The following CTR9 variants were observed in gnomAD, a reference collection of about 807,000 sequenced individuals.
The protein encoded by CTR9 is RNA polymerase-associated protein CTR9 homolog.
CTR9 carries 41 observed loss-of-function variants against 152.1 expected under a neutral mutation model. That is an observed-to-expected ratio of 0.27 (90% CI 0.21 to 0.35). The LOEUF is 0.35. Among genes scored for constraint, CTR9 ranks in the 10% least tolerant of loss-of-function variants. The pLI is 1.00. For missense variants in CTR9, 917 were observed against 1,424.4 expected (o/e 0.64, Z 5.73); for synonymous variants, 476 against 496.2 (o/e 0.96, Z 0.54).
chr11:10,758,379 G>C (rs1388193729), intron 5 of CTR9, among the ~76,000 whole-genome samples: 1 of 152,138 alleles, frequency 6.6e-6, no homozygotes, highest in Non-Finnish European at 1.5e-5. Flanking sequence ...CTCACACTAG[G>C]GAGGTAATAG....
Position 10,755,026 on chromosome 11 carries a change from C to T in CTR9, c.213C>T (p.Gly71=), listed in dbSNP as rs1862863584. ...VKLLEAARID[G]NLDYRDHEKD... ...TGTTGGAAGCAGCACGTATAGATGG[C>T]AATTTGGACTATAGAGACCATGAAA... Residue 71 remains glycine, a synonymous_variant, in exon 3 of 25, where the codon GGC becomes GGT. Coordinates refer to ENST00000361367, the MANE Select transcript of CTR9 (RefSeq NM_014633.5). 1.2e-6 allele frequency: 2 copies of T among 1,613,996 alleles called. No homozygotes were observed. The highest frequency in any genetic ancestry group is 2.7e-5 in the African/African-American group (2 of 75,004).
In CTR9 at chr11:10,779,070, A is replaced by G. The variant is rs150093532; in HGVS notation, c.3487A>G (p.Arg1163Gly). 87 of 1,614,020 alleles carry G rather than the reference A, an allele frequency of 5.4e-5. No homozygotes were observed. Among genetic ancestry groups the G allele is most frequent in the Non-Finnish European group, 7.0e-5 (83 of 1,179,996 alleles). Residue 1163 changes from arginine (R) to glycine (G), a missense_variant, in exon 25 of 25, where the codon AGA becomes GGA. By Grantham distance (125) the Arg-to-Gly change is moderately radical. Transcript: ENST00000361367. ...GGGATCCAACAATGAGGCCTCAGATAGAGGCTCAGAACATGGGTCAGATGA... is the reference window on the plus strand; with the variant it reads ...GGGATCCAACAATGAGGCCTCAGATGGAGGCTCAGAACATGGGTCAGATGA... ...PEGSNNEASD[R>G]GSEHGSDDSD
rs749112669 is a variant in CTR9 at position 10,779,129 on chromosome 11, A to G, written c.*24A>G. 1 of 1,553,956 alleles carries G rather than the reference A, an allele frequency of 6.4e-7. No individual in the cohort carries two copies. The highest frequency in any genetic ancestry group is 2.3e-5 in the East Asian group (1 of 44,036). On this transcript the variant is annotated 3_prime_UTR_variant, in exon 25 of 25. Coordinates refer to ENST00000361367, the MANE Select transcript of CTR9 (RefSeq NM_014633.5). ...AGGTTTTATTTCATCAATAAGCTTCATCTCTGGAGGAAACTTTTTTAATAT... is the reference window on the plus strand; with the variant it reads ...AGGTTTTATTTCATCAATAAGCTTCGTCTCTGGAGGAAACTTTTTTAATAT...
Position 10,760,191 on chromosome 11 carries a change from T to C in CTR9, c.611T>C (p.Met204Thr). The change falls in exon 6 of 25, where the codon ATG (methionine) becomes ACG (threonine). Residue 204 changes from methionine to threonine, a missense_variant. Coordinates refer to ENST00000361367, the MANE Select transcript of CTR9 (RefSeq NM_014633.5). The stretch of plus-strand genomic sequence containing the variant: ...TTTATAGCGGAAGTTCGTTTAGGAA[T>C]GGGTCATTGCTTTGTGAAACTTAAC... Reference protein sequence around the residue: ...PGCPAEVRLGMGHCFVKLNKL... With the variant: ...PGCPAEVRLGTGHCFVKLNKL... 6.2e-7 allele frequency: 1 copy of C among 1,613,920 alleles called. No homozygotes were observed. Among genetic ancestry groups the C allele is most frequent in the Non-Finnish European group, 8.5e-7 (1 of 1,179,852 alleles).
chr11:10,751,247 T>C lies in CTR9; in HGVS notation c.-166T>C. ...GTGGCCGTCCGCCGTCCGCTGCTCG[T>C]TGTTTAAGCGGCTGACGGGAAGGAG... is the stretch of plus-strand genomic sequence containing the variant. On this transcript the variant is annotated 5_prime_UTR_variant, in exon 1 of 25. Transcript: ENST00000361367. 1.5e-6 allele frequency: 1 copy of C among 673,358 alleles called. No individual in the cohort carries two copies. Among genetic ancestry groups the C allele is most frequent in the South Asian group, 1.8e-5 (1 of 54,724 alleles). The allele number at this position is 673,358 out of a possible 1,614,324, so 41.7% of individuals were successfully genotyped here.
chr11:10,759,738 G>A (rs988291144), intron 5 of CTR9, among the ~76,000 whole-genome samples: 3 of 152,178 alleles, frequency 2.0e-5, no homozygotes, highest in Admixed American at 1.3e-4. Flanking sequence ...ACTTGTTTGT[G>A]TTTTGGCATG....
chr11:10,770,570 A>G lies in CTR9; in HGVS notation c.2310A>G (p.Lys770=), dbSNP rs1393891925. 1 of 1,614,032 alleles carries G rather than the reference A, an allele frequency of 6.2e-7. No homozygotes were observed. Among genetic ancestry groups the G allele is most frequent in the Non-Finnish European group, 8.5e-7 (1 of 1,179,978 alleles). Residue 770 remains lysine (K), a synonymous_variant, in exon 18 of 25, where the codon AAA becomes AAG. Coordinates refer to ENST00000361367, the MANE Select transcript of CTR9 (RefSeq NM_014633.5). ...VLQRLATSVL[K]DEKSNLKEVL... is the part of the protein sequence containing the mutation. ...AAAGATTAGCTACCTCTGTCCTGAA[A>G]GATGAAAAAAGTAATCTGAAGGAAG...
intron 18 of CTR9, 84 bp from the exon 19 acceptor site, chr11:10,771,461 T>C (rs1354475695): frequency 9.9e-6 from 10 of 1,007,400 alleles, no homozygotes; most frequent in Middle Eastern, 2.9e-4. Context: ...TCTCAGACTT[T>C]GTAGCACAGA....
At chr11:10,751,581 C>A in intron 1 of CTR9, 124 bp downstream of exon 1, 1 of 928,310 alleles carries the variant, frequency 1.1e-6, no homozygotes, top group Non-Finnish European at 1.7e-6. Flanking sequence ...ATCGAAATAC[C>A]TGGCCAAGGT....
At position 10,768,477 on chromosome 11, in the gene CTR9, A is replaced by AGC; in HGVS notation, c.2098_2099dup (p.Val701ProfsTer42). On this transcript the variant is annotated frameshift_variant, in exon 16 of 25. Transcript: ENST00000361367. LOFTEE classifies it high-confidence loss of function. ...CTATGTGGAGCAAAAGCAGTACATC[A>AGC]GCGCCGTTCAGATGGTAATAGCTTC... 6.2e-7 allele frequency: 1 copy of AGC among 1,603,776 alleles called. No homozygotes were observed. The highest frequency in any genetic ancestry group is 8.5e-7 in the Non-Finnish European group (1 of 1,176,910).
In CTR9 at chr11:10,775,191, G is replaced by A. The variant is rs368539258; in HGVS notation, c.2886-16G>A. The A allele has an allele frequency of 3.8e-6, 6 of 1,599,298 alleles. No homozygotes were observed. Among genetic ancestry groups the A allele is most frequent in the Non-Finnish European group, 5.1e-6 (6 of 1,167,496 alleles). ...TAGGCTCTTGACAAACTCTCTCTTG[G>A]TGTTCACTATTTAAGACATCCAAAG... On this transcript the variant is annotated splice_polypyrimidine_tract_variant and intron_variant, in intron 22 of 24. Transcript: ENST00000361367.
At chr11:10,762,315 CAAG>C (rs1862990870) in intron 7 of CTR9, among the ~76,000 whole-genome samples, 1 of 152,098 alleles carries the variant, frequency 6.6e-6, no homozygotes, top group Non-Finnish European at 1.5e-5. Context: ...TGTCTGTACT[CAAG>C]GAGTTCAATT....
intron 20 of CTR9, 109 bp from the exon 21 acceptor site, chr11:10,773,018 C>A: frequency 8.1e-7 from 1 of 1,236,108 alleles, no homozygotes; most frequent in Non-Finnish European, 1.1e-6. Context: ...CAGAGTGAGA[C>A]TCCATCTCAA....
At chr11:10,753,436 A>G (rs756183003) in intron 2 of CTR9, among the ~76,000 whole-genome samples, 1 of 152,122 alleles carries the variant, frequency 6.6e-6, no homozygotes, top group Non-Finnish European at 1.5e-5. Flanking sequence ...TCATACAAAC[A>G]TACAGAAGAG....
rs1445197212 is a variant in CTR9 at position 10,779,119 on chromosome 11, A to G, written c.*14A>G. On this transcript the variant is annotated 3_prime_UTR_variant, in exon 25 of 25. Coordinates refer to ENST00000361367, the MANE Select transcript of CTR9 (RefSeq NM_014633.5). ...GATAGTGACTAGGTTTTATTTCATCAATAAGCTTCATCTCTGGAGGAAACT... is the reference window on the plus strand; with the variant it reads ...GATAGTGACTAGGTTTTATTTCATCGATAAGCTTCATCTCTGGAGGAAACT... 6.3e-7 allele frequency: 1 copy of G among 1,578,824 alleles called. No homozygotes were observed. Among genetic ancestry groups the G allele is most frequent in the Non-Finnish European group, 8.6e-7 (1 of 1,159,296 alleles).
intron 1 of CTR9, 90 bp downstream of exon 1, chr11:10,751,547 C>T (rs907611939): frequency 2.4e-6 from 3 of 1,248,558 alleles, no homozygotes; most frequent in Non-Finnish European, 3.5e-6. Context: ...GAAGCGAGAG[C>T]ATCCTCCTTC....
rs986767611 is a variant in CTR9, at chr11:10,772,628, G to A, written c.2553G>A (p.Leu851=). ...LRAKQEQEKE[L]LRQKLLKEQE... Reference sequence around the variant, plus strand: ...CCAAGCAAGAGCAAGAAAAGGAGCTGTTAAGGCAGAAACTTCTTAAAGAAC... The same window carrying A: ...CCAAGCAAGAGCAAGAAAAGGAGCTATTAAGGCAGAAACTTCTTAAAGAAC... The change falls in exon 20 of 25, where the codon CTG becomes CTA. Residue 851 remains leucine, a synonymous_variant. Transcript: ENST00000361367. 2.5e-6 allele frequency: 4 copies of A among 1,603,182 alleles called. No homozygotes were observed. In the African/African-American group the frequency reaches 5.4e-5, roughly 22 times the overall value.
At chr11:10,771,857 T>A (rs1863148195) in intron 19 of CTR9, among the ~76,000 whole-genome samples, 2 of 152,196 alleles carry the variant, frequency 1.3e-5, no homozygotes, top group Non-Finnish European at 1.5e-5. Flanking sequence ...TTATGTCAGC[T>A]ATGTCAGCCT....
chr11:10,755,294 T>C (rs1016091421), intron 3 of CTR9, 97 bp downstream of exon 3: 60 of 1,358,220 alleles, frequency 4.4e-5, no homozygotes, highest in Admixed American at 2.7e-4. Context: ...GAGTTTTTCT[T>C]CAAGTAACAT....
Sources: allele counts gnomAD v4.1 joint callset (sites outside exome capture counted in the v4.1 genomes callset), GRCh38; gene constraint gnomAD v4.1.1; transcripts MANE v1.5; gene names NCBI Gene and HGNC (gene_info 2026-07-23, HGNC 2026-07-21).